Variants in DOCK10 observed in about 807,000 individuals in gnomAD.
The protein encoded by DOCK10 is dedicator of cytokinesis 10, also known as dedicator of cytokinesis protein 10.
Under a neutral mutation model 280.1 loss-of-function variants are expected in DOCK10, and 145 were observed. The observed-to-expected ratio is 0.52, with a 90% CI of 0.45 to 0.59. The LOEUF is 0.59. DOCK10 is among the 20% of genes least tolerant of loss of function. The pLI is 0.00. For missense variants in DOCK10, 2,368 were observed against 2,651.7 expected, an observed-to-expected ratio of 0.89 and a Z score of 2.35; for synonymous variants, 915 against 942.2, an observed-to-expected ratio of 0.97 and a Z score of 0.53.
chr2:224,918,454 T>C (rs1490467708), intron 2 of DOCK10, among the ~76,000 whole-genome samples: 2 of 148,376 alleles, frequency 1.3e-5, no homozygotes, highest in Non-Finnish European at 3.0e-5. Flanking sequence ...TGTGTATGTG[T>C]TATGTGAGCA....
At chr2:224,979,645 T>A (rs1019102733) in intron 1 of DOCK10, among the ~76,000 whole-genome samples, 5 of 152,244 alleles carry the variant, frequency 3.3e-5, no homozygotes, top group Non-Finnish European at 4.4e-5. Flanking sequence ...CATAAGGCAT[T>A]TCCCTGCTGA....
intron 1 of DOCK10, among the ~76,000 whole-genome samples, chr2:225,025,010 T>C (rs1689882918): frequency 6.6e-6 from 1 of 152,226 alleles, no homozygotes; most frequent in African/African-American, 2.4e-5. Flanking sequence ...GTATTGGTCA[T>C]GTGTATTTCA....
At chr2:225,020,958 A>G (rs1176877039) in intron 1 of DOCK10, among the ~76,000 whole-genome samples, 1 of 152,238 alleles carries the variant, frequency 6.6e-6, no homozygotes, top group Non-Finnish European at 1.5e-5. Flanking sequence ...AAGATATAAC[A>G]AATCAGCATT....
chr2:224,842,005 G>T, intron 22 of DOCK10, 109 bp from the exon 23 acceptor site: 1 of 774,378 alleles, frequency 1.3e-6, no homozygotes. Flanking sequence ...ATGCCTCGAA[G>T]TGCAAATGCT....
intron 55 of DOCK10, among the ~76,000 whole-genome samples, chr2:224,767,272 T>C (rs900238327): frequency 3.3e-5 from 5 of 152,090 alleles, no homozygotes; most frequent in African/African-American, 1.2e-4. Context: ...CAAGCAACTC[T>C]CCTGCCTCAG....
chr2:224,896,183 G>A, intron 4 of DOCK10, 112 bp downstream of exon 4: 3 of 579,852 alleles, frequency 5.2e-6, no homozygotes, highest in Non-Finnish European at 8.7e-6. Context: ...TTTGGAAAAT[G>A]TGCCTTGACA....
chr2:224,901,823 G>C (rs1368127645), intron 3 of DOCK10, among the ~76,000 whole-genome samples: 3 of 152,234 alleles, frequency 2.0e-5, no homozygotes, highest in Non-Finnish European at 4.4e-5. Flanking sequence ...ACCATGAACG[G>C]AGAGCCTTGG....
chr2:224,832,147 GT>G (rs1463572572), intron 26 of DOCK10, among the ~76,000 whole-genome samples: 8 of 152,192 alleles, frequency 5.3e-5, no homozygotes, highest in Non-Finnish European at 1.0e-4. Flanking sequence ...ACAGATAACA[GT>G]TTTAAATTTT....
Position 224,853,139 on chromosome 2 carries a change from A to G in DOCK10, c.1889-17T>C. 1 of 1,546,386 alleles carries G rather than the reference A, an allele frequency of 6.5e-7. No homozygotes were observed. The highest frequency in any genetic ancestry group is 8.7e-7 in the Non-Finnish European group (1 of 1,143,690). ...TTACACAATCTTAAAAAATCAGAAAATAAGAGTTTGTCATTTAATATGGTT... is the reference window on the plus strand; with the variant it reads ...TTACACAATCTTAAAAAATCAGAAAGTAAGAGTTTGTCATTTAATATGGTT... On this transcript the variant is annotated splice_polypyrimidine_tract_variant and intron_variant, in intron 16 of 55. Coordinates refer to ENST00000258390, the MANE Select transcript of DOCK10 (RefSeq NM_014689.3).
intron 1 of DOCK10, among the ~76,000 whole-genome samples, chr2:224,939,679 A>C (rs1333820484): frequency 6.6e-6 from 1 of 152,240 alleles, no homozygotes; most frequent in African/African-American, 2.4e-5. Flanking sequence ...GAAGCCTGTG[A>C]TGAGAGCTGT....
chr2:224,995,697 G>T (rs1575155395), intron 1 of DOCK10, among the ~76,000 whole-genome samples: 1 of 152,156 alleles, frequency 6.6e-6, no homozygotes, highest in South Asian at 2.1e-4. Context: ...TTTTAAAAAA[G>T]CATGGTTAAT....
intron 3 of DOCK10, among the ~76,000 whole-genome samples, chr2:224,911,124 C>A (rs1700988460): frequency 6.6e-6 from 1 of 152,078 alleles, no homozygotes; most frequent in South Asian, 2.1e-4. Context: ...GAAAGGCACT[C>A]TACTTGGTTT....
At chr2:224,874,529 A>C in intron 9 of DOCK10, 137 bp downstream of exon 9, 1 of 963,192 alleles carries the variant, frequency 1.0e-6, no homozygotes, top group African/African-American at 1.6e-5. Flanking sequence ...GTTAATGAAA[A>C]CACATAGGTT....
chr2:224,917,099 A>ATTTTTTT (rs1559754057), intron 2 of DOCK10, among the ~76,000 whole-genome samples: 4 of 60,250 alleles, frequency 6.6e-5, no homozygotes, highest in Admixed American at 2.5e-4. Context: ...TTCTATTGGA[A>ATTTTTTT]TCTTTTTTTT....
intron 2 of DOCK10, among the ~76,000 whole-genome samples, chr2:224,920,664 TAA>T (rs35854256): frequency 3.5e-4 from 53 of 151,100 alleles, no homozygotes; most frequent in African/African-American, 1.1e-3. Flanking sequence ...TCTTTCTAAT[TAA>T]AAAAAAATTC....
intron 1 of DOCK10, among the ~76,000 whole-genome samples, chr2:224,953,478 G>T (rs1475451478): frequency 6.6e-6 from 1 of 152,062 alleles, no homozygotes; most frequent in Non-Finnish European, 1.5e-5. Context: ...CCTTCACTGT[G>T]GTCTCTCCTG....
intron 1 of DOCK10, among the ~76,000 whole-genome samples, chr2:225,035,547 TATATATATATATATATATATA>T (rs1398768494): frequency 7.0e-5 from 1 of 14,324 alleles, no homozygotes; most frequent in Admixed American, 5.5e-4. Flanking sequence ...ATATATTATA[TATATATATATATATATATATA>T]TATATATATA....
intron 11 of DOCK10, among the ~76,000 whole-genome samples, chr2:224,867,359 T>C (rs1354313884): frequency 6.6e-6 from 1 of 152,210 alleles, no homozygotes; most frequent in Non-Finnish European, 1.5e-5. Context: ...CTTTTCTAGT[T>C]GCCTCCTCTG....
intron 1 of DOCK10, among the ~76,000 whole-genome samples, chr2:224,986,286 C>T (rs1410491405): frequency 1.3e-5 from 2 of 152,168 alleles, no homozygotes; most frequent in African/African-American, 4.8e-5. Flanking sequence ...CTAACAAAAT[C>T]AGCCTCAAGG....
Sources: gnomAD v4.1 joint callset for allele counts (sites outside exome capture counted in the v4.1 genomes callset) on GRCh38, gnomAD v4.1.1 for gene constraint, MANE v1.5 for transcripts, NCBI Gene and HGNC (gene_info 2026-07-23, HGNC 2026-07-21) for gene names.